SLC20A2: variants seen among roughly 807,000 people sequenced by gnomAD.
The protein encoded by SLC20A2 is solute carrier family 20 member 2.
SLC20A2 carries 30 observed loss-of-function variants against 61.0 expected under a neutral mutation model. The ratio of observed to expected loss-of-function variants is 0.49; its 90% CI spans 0.37 to 0.67. The LOEUF (loss-of-function observed/expected upper bound fraction) is 0.67. Among genes scored for constraint, SLC20A2 ranks in the 30% least tolerant of loss-of-function variants. The probability of loss-of-function intolerance (pLI) is 0.00; values close to 1 mark genes in which losing one functional copy is unlikely to be tolerated. For synonymous variants in SLC20A2, 351 were observed against 353.3 expected (o/e 0.99, Z 0.07); for missense variants, 626 against 866.4 (o/e 0.72, Z 3.48).
intron 8 of SLC20A2, among the ~76,000 whole-genome samples, chr8:42,434,837 TC>T (rs965540606): frequency 2.1e-4 from 32 of 152,152 alleles, no homozygotes; most frequent in African/African-American, 7.7e-4. Context: ...CCTAGATGCT[TC>T]CTTTGAAATG....
intron 1 of SLC20A2, among the ~76,000 whole-genome samples, chr8:42,474,541 G>A (rs1807903267): frequency 6.6e-6 from 1 of 151,974 alleles, no homozygotes; most frequent in African/African-American, 2.4e-5. Flanking sequence ...AATATGACAG[G>A]CACACTAAAT....
At chr8:42,419,604 T>C (rs770633596) in intron 10 of SLC20A2, 30 of 358,780 alleles carry the variant, frequency 8.4e-5, no homozygotes, top group Non-Finnish European at 1.0e-4. Context: ...CCAAAGTCCA[T>C]TGCAATTTCT....
chr8:42,430,729 G>A (rs979247784), intron 8 of SLC20A2, among the ~76,000 whole-genome samples: 23 of 152,118 alleles, frequency 1.5e-4, no homozygotes, highest in African/African-American at 5.3e-4. Context: ...CCGCTGGAGC[G>A]ACTTTCCAGC....
At chr8:42,510,944 A>G (rs955406691) in intron 1 of SLC20A2, among the ~76,000 whole-genome samples, 1 of 152,120 alleles carries the variant, frequency 6.6e-6, no homozygotes, top group African/African-American at 2.4e-5. Flanking sequence ...ATATAAAGTA[A>G]TGATGAAGGA....
At chr8:42,436,846 G>T (rs1002329007) in intron 8 of SLC20A2, 143 bp downstream of exon 8, 6 of 708,952 alleles carry the variant, frequency 8.5e-6, no homozygotes, top group African/African-American at 3.6e-5. Context: ...CTGACTTATG[G>T]GTCTGTCCAC....
intron 1 of SLC20A2, among the ~76,000 whole-genome samples, chr8:42,480,797 C>A (rs920455977): frequency 1.3e-5 from 2 of 152,128 alleles, no homozygotes; most frequent in Non-Finnish European, 2.9e-5. Context: ...GTAGCTCAGA[C>A]TACAGGCACA....
chr8:42,486,112 CTTAA>C (rs1312459651), intron 1 of SLC20A2, among the ~76,000 whole-genome samples: 40 of 150,238 alleles, frequency 2.7e-4, no homozygotes, highest in African/African-American at 4.2e-4. Context: ...TCATTAACTA[CTTAA>C]TTATCTTTAG....
chr8:42,526,696 C>T (rs1317278097), intron 1 of SLC20A2, among the ~76,000 whole-genome samples: 1 of 150,478 alleles, frequency 6.6e-6, no homozygotes, highest in Non-Finnish European at 1.5e-5. Flanking sequence ...GAAACTGTCA[C>T]AGCCAATGAC....
chr8:42,443,113 T>C (rs974553492), intron 6 of SLC20A2, among the ~76,000 whole-genome samples: 6 of 149,902 alleles, frequency 4.0e-5, no homozygotes, highest in African/African-American at 1.5e-4. Flanking sequence ...ATATATGTTA[T>C]AATTACTATA....
Position 42,437,072 on chromosome 8 carries a change from T to G in SLC20A2, c.1440A>C (p.Ala480=). The change falls in exon 8 of 11, where the codon GCA becomes GCC. Residue 480 remains alanine, a synonymous_variant. Coordinates refer to ENST00000520262, the MANE Select transcript of SLC20A2 (RefSeq NM_001257180.2). This position sits in a 1 kb window ranked among gnomAD's most constrained non-coding sequence, Gnocchi z 6.4. The stretch of plus-strand genomic sequence containing the variant: ...AATGGAACAGGAGGTGAACCTCGGG[T>G]GCGTCCTTCTCCTCCTTCTCCTCCT... ...PAEEEKEEKD[A]PEVHLLFHFL... 3 of 1,613,926 alleles carry G rather than the reference T, an allele frequency of 1.9e-6. No individual in the cohort carries two copies. The highest frequency in any genetic ancestry group is 2.5e-6 in the Non-Finnish European group (3 of 1,179,964).
chr8:42,441,658 G>A (rs1398495823), intron 6 of SLC20A2, among the ~76,000 whole-genome samples: 3 of 150,992 alleles, frequency 2.0e-5, no homozygotes, highest in Admixed American at 1.3e-4. Context: ...TAGTAGAGAT[G>A]GGGTTTCACC....
intron 1 of SLC20A2, among the ~76,000 whole-genome samples, chr8:42,532,611 A>G (rs1483897824): frequency 6.6e-6 from 1 of 152,256 alleles, no homozygotes; most frequent in Non-Finnish European, 1.5e-5. Context: ...TGTGTGTTCT[A>G]TGTAAAGGCA....
At chr8:42,511,857 A>T (rs1316198958) in intron 1 of SLC20A2, among the ~76,000 whole-genome samples, 1 of 152,158 alleles carries the variant, frequency 6.6e-6, no homozygotes, top group African/African-American at 2.4e-5. Context: ...AGCTGTGATA[A>T]GCAAAAAACA....
intron 5 of SLC20A2, among the ~76,000 whole-genome samples, chr8:42,459,255 A>C (rs913080092): frequency 5.3e-5 from 8 of 151,460 alleles, no homozygotes; most frequent in African/African-American, 1.5e-4. Flanking sequence ...AAAAAAAAAA[A>C]AAAACATAAA....
chr8:42,454,040 G>C (rs374784617), intron 5 of SLC20A2, among the ~76,000 whole-genome samples: 6 of 152,016 alleles, frequency 3.9e-5, no homozygotes, highest in Admixed American at 3.9e-4. Context: ...GTCTCGCTCT[G>C]TCTCCCAGGC....
intron 10 of SLC20A2, among the ~76,000 whole-genome samples, chr8:42,428,313 A>C (rs1803565486): frequency 6.6e-6 from 1 of 152,250 alleles, no homozygotes; most frequent in African/African-American, 2.4e-5. Context: ...ACATCATATA[A>C]GGAACAAAAC....
chr8:42,527,944 A>G (rs6980507), intron 1 of SLC20A2, among the ~76,000 whole-genome samples: 89,357 of 151,884 alleles, frequency 0.59, 26,422 homozygotes, highest in South Asian at 0.68. Flanking sequence ...AAGTCAGCGA[A>G]ACTATACATC....
chr8:42,524,625 A>C (rs1811801881), intron 1 of SLC20A2, among the ~76,000 whole-genome samples: 1 of 151,972 alleles, frequency 6.6e-6, no homozygotes, highest in Non-Finnish European at 1.5e-5. Flanking sequence ...GTCTCTACTA[A>C]AAACACAAAA....
chr8:42,525,123 C>T (rs1811838057), intron 1 of SLC20A2, among the ~76,000 whole-genome samples: 1 of 152,140 alleles, frequency 6.6e-6, no homozygotes, highest in East Asian at 1.9e-4. Context: ...GATCTCAAAG[C>T]AGCTCTTTAG....
Sources: allele counts gnomAD v4.1 joint callset (sites outside exome capture counted in the v4.1 genomes callset), GRCh38; gene constraint gnomAD v4.1.1; non-coding constraint Gnocchi (gnomAD v3.1); transcripts MANE v1.5; gene names NCBI Gene and HGNC (gene_info 2026-07-23, HGNC 2026-07-21).